PARVB: variants seen among roughly 807,000 people sequenced by gnomAD.
PARVB encodes parvin beta.
Under a neutral mutation model 47.0 loss-of-function variants are expected in PARVB, and 46 were observed. That is an observed-to-expected ratio of 0.98 (90% confidence interval 0.77 to 1.25). The LOEUF (loss-of-function observed/expected upper bound fraction) is 1.25, where lower values mean the gene tolerates loss of function less well. Ranked by LOEUF, PARVB falls within the 50% of genes most tolerant of loss-of-function variation. The probability of loss-of-function intolerance (pLI) is 0.00; values close to 1 mark genes in which losing one functional copy is unlikely to be tolerated. For synonymous variants in PARVB, 196 were observed against 196.3 expected, an observed-to-expected ratio of 1.00 and a Z score of 0.01; for missense variants, 473 against 471.6, an observed-to-expected ratio of 1.00 and a Z score of -0.03.
chr22:44,140,754 C>T (rs771052067), intron 8 of PARVB: 10 of 349,938 alleles, frequency 2.9e-5, no homozygotes, highest in African/African-American at 8.5e-5. Flanking sequence ...CCTGCTTGGC[C>T]GGGGGACAGC....
At chr22:44,116,699 T>C (rs1230277069) in intron 3 of PARVB, among the ~76,000 whole-genome samples, 1 of 152,120 alleles carries the variant, frequency 6.6e-6, no homozygotes, top group Non-Finnish European at 1.5e-5. Flanking sequence ...CCATTGCTAA[T>C]GGGACAGGAT....
intron 1 of PARVB, among the ~76,000 whole-genome samples, chr22:44,093,414 T>G (rs1463679793): frequency 6.6e-6 from 1 of 152,180 alleles, no homozygotes; most frequent in Non-Finnish European, 1.5e-5. Flanking sequence ...GACCCGGGTG[T>G]TCCATCAGAT....
At chr22:44,081,305 C>T (rs539892094) in intron 1 of PARVB, among the ~76,000 whole-genome samples, 9 of 152,208 alleles carry the variant, frequency 5.9e-5, no homozygotes, top group Non-Finnish European at 1.3e-4. Context: ...CGAAGCAGGC[C>T]GGGTCCTCCT....
intron 8 of PARVB, chr22:44,140,744 C>G: frequency 2.8e-6 from 1 of 359,324 alleles, no homozygotes; most frequent in Non-Finnish European, 5.6e-6. Flanking sequence ...AGGTGAGTGC[C>G]CTGCTTGGCC....
Position 44,155,214 on chromosome 22 carries a change from G to A in PARVB, c.844-2768G>A, listed in dbSNP as rs1472053322. Among the ~76,000 whole-genome samples the A allele has an allele frequency of 6.6e-6, 1 of 152,176 alleles. No individual in the cohort carries two copies. Among genetic ancestry groups the A allele is most frequent in the East Asian group, 1.9e-4 (1 of 5,196 alleles). On this transcript the variant is annotated intron_variant, in intron 10 of 12. Transcript: ENST00000338758. The surrounding 1 kb of genome is among the most constrained non-coding windows in gnomAD (Gnocchi z 4.8). ...CTGTCCACAGAATTAAACTGGAGGC[G>A]ATGGGCAGTGTGAGGACTGGGTGAG...
chr22:44,076,563 CTGTGCG>C (rs1197470877), intron 1 of PARVB, among the ~76,000 whole-genome samples: 1 of 152,210 alleles, frequency 6.6e-6, no homozygotes, highest in Non-Finnish European at 1.5e-5. Context: ...CCACATGCAG[CTGTGCG>C]TGGGGTGTGT....
chr22:44,088,018 ATC>A (rs1304390615), intron 1 of PARVB, among the ~76,000 whole-genome samples: 1 of 151,912 alleles, frequency 6.6e-6, no homozygotes, highest in Non-Finnish European at 1.5e-5. Flanking sequence ...AATCTTTGTG[ATC>A]TCTCTGAGGT....
chr22:44,082,379 T>C (rs2147007678), intron 1 of PARVB, among the ~76,000 whole-genome samples: 1 of 152,018 alleles, frequency 6.6e-6, no homozygotes, highest in South Asian at 2.1e-4. Flanking sequence ...ATTAGCTGGG[T>C]GTGGTGGTGC....
intron 8 of PARVB, chr22:44,144,425 G>C (rs1190160439): frequency 6.6e-6 from 1 of 152,238 alleles, no homozygotes; most frequent in Non-Finnish European, 1.5e-5. Flanking sequence ...GGGAGTGCAG[G>C]CTCACTGTTG....
intron 12 of PARVB, among the ~76,000 whole-genome samples, chr22:44,166,100 CCT>C (rs1307542179): frequency 6.6e-6 from 1 of 152,182 alleles, no homozygotes; most frequent in Non-Finnish European, 1.5e-5. Context: ...GCTTCTTTGT[CCT>C]CCCGAACCCA....
intron 1 of PARVB, chr22:44,086,839 A>AAGG: frequency 1.0e-6 from 1 of 985,208 alleles, no homozygotes; most frequent in Non-Finnish European, 1.2e-6. Flanking sequence ...GGAAGTTGGA[A>AAGG]AATTCATAGA....
chr22:44,019,892 G>A (rs2050628135), upstream of PARVB, among the ~76,000 whole-genome samples: 1 of 152,198 alleles, frequency 6.6e-6, no homozygotes. Flanking sequence ...CCCAAAAGAT[G>A]CTGAAATCCT....
intron 1 of PARVB, among the ~76,000 whole-genome samples, chr22:44,066,814 C>CTCCTCCTTCTCCTCCTCCTCCTCCTCT (rs2051543383): frequency 6.7e-6 from 1 of 149,146 alleles, no homozygotes; most frequent in African/African-American, 2.5e-5. Flanking sequence ...CCTCCTCCTC[C>CTCCTCCTTCTCCTCCTCCTCCTCCTCT]TCCTCCTCTT....
intron 12 of PARVB, chr22:44,168,302 C>T (rs980109131): frequency 2.4e-5 from 8 of 330,564 alleles, no homozygotes; most frequent in South Asian, 7.2e-5. Context: ...GTCCCCCAAC[C>T]GGTTCTTAGA....
chr22:44,137,076 T>C (rs1187157923), intron 7 of PARVB, among the ~76,000 whole-genome samples: 1 of 152,284 alleles, frequency 6.6e-6, no homozygotes, highest in Admixed American at 6.5e-5. Context: ...TCTTTAGAAT[T>C]CACTGCATTT....
In PARVB at chr22:44,009,370, A is replaced by G. The variant is rs187491655; in HGVS notation, c.211+9697A>G. The G allele has an allele frequency of 1.6e-3, 237 of 152,354 alleles. 1 individual carries two copies. Among genetic ancestry groups the G allele is most frequent in the African/African-American group, 5.5e-3 (228 of 41,584 alleles). The allele number at this position is 152,354 out of a possible 1,614,324, so 9.4% of individuals were successfully genotyped here. ...AACTGATGATAATGCCTGTCTGAGTATTCATTTTCTCAATCAAAATGTATT... is the reference window on the plus strand; with the variant it reads ...AACTGATGATAATGCCTGTCTGAGTGTTCATTTTCTCAATCAAAATGTATT... On this transcript the variant is annotated intron_variant, in intron 2 of 13. Coordinates refer to the PARVB transcript ENST00000406477.
chr22:44,132,448 C>T (rs2053348939), intron 5 of PARVB, among the ~76,000 whole-genome samples: 1 of 152,168 alleles, frequency 6.6e-6, no homozygotes, highest in African/African-American at 2.4e-5. Flanking sequence ...TCTAATGTCC[C>T]CAGAGTGGCC....
At chr22:44,051,041 G>T (rs544625954) in intron 1 of PARVB, among the ~76,000 whole-genome samples, 5 of 152,170 alleles carry the variant, frequency 3.3e-5, no homozygotes, top group Non-Finnish European at 5.9e-5. Context: ...AGAGAGTCTC[G>T]GGAGGCCTGA....
intron 1 of PARVB, among the ~76,000 whole-genome samples, chr22:44,058,824 G>C (rs1288491004): frequency 1.3e-5 from 2 of 152,000 alleles, no homozygotes; most frequent in Non-Finnish European, 2.9e-5. Context: ...CAAAGTGCTG[G>C]GATTACAGGC....
Sources: gnomAD v4.1 joint callset for allele counts (sites outside exome capture counted in the v4.1 genomes callset) on GRCh38, gnomAD v4.1.1 for gene constraint, Gnocchi (gnomAD v3.1) non-coding constraint, MANE v1.5 for transcripts, NCBI Gene and HGNC (gene_info 2026-07-23, HGNC 2026-07-21) for gene names.